LURAP1: variants seen among roughly 807,000 people sequenced by gnomAD.
LURAP1 encodes leucine rich adaptor protein 1.
A neutral mutation model predicts 19.0 loss-of-function variants in LURAP1; 14 were observed. The observed-to-expected ratio is 0.74, with a 90% CI of 0.49 to 1.15. The LOEUF (loss-of-function observed/expected upper bound fraction) is 1.15. LURAP1 is among the 50% of genes most tolerant of loss of function. The pLI is 0.00. For missense variants in LURAP1, 273 were observed against 309.1 expected, an observed-to-expected ratio of 0.88 and a Z score of 0.87; for synonymous variants, 129 against 131.8, an observed-to-expected ratio of 0.98 and a Z score of 0.14.
At chr1:46,211,621 C>A (rs1451651528) in intron 1 of LURAP1, among the ~76,000 whole-genome samples, 3 of 152,008 alleles carry the variant, frequency 2.0e-5, no homozygotes. Context: ...TCATGACAAA[C>A]CTTTAGATAG....
At chr1:46,209,577 C>A (rs1157603450) in intron 1 of LURAP1, among the ~76,000 whole-genome samples, 1 of 143,064 alleles carries the variant, frequency 7.0e-6, no homozygotes, top group Non-Finnish European at 1.5e-5. Context: ...TGGAGTCTCG[C>A]TCTGTTGCCC....
At position 46,219,788 on chromosome 1, in the gene LURAP1, G is replaced by A. The variant is rs1659176073; in HGVS notation, c.288G>A (p.Glu96=). The change falls in exon 2 of 2, where the codon GAG becomes GAA. Residue 96 remains glutamate (E), a synonymous_variant. Coordinates refer to ENST00000371980, the MANE Select transcript of LURAP1 (RefSeq NM_001013615.3). ...AGGCAGTGCGCTGGCTGTTGGAGGA[G>A]CGGGGGACGTTGACCAGTCATTGCA... The part of the protein sequence containing the change: ...GIEAVRWLLE[E]RGTLTSHCSS... 2 of 1,614,100 alleles carry A rather than the reference G, an allele frequency of 1.2e-6. No individual in the cohort carries two copies. The highest frequency in any genetic ancestry group is 1.1e-5 in the South Asian group (1 of 91,082).
intron 1 of LURAP1, among the ~76,000 whole-genome samples, chr1:46,207,570 G>T (rs548776514): frequency 6.7e-6 from 1 of 148,204 alleles, no homozygotes. Flanking sequence ...ATGGAGTCTC[G>T]CTCTGTCGCC....
chr1:46,217,788 C>T lies in LURAP1; in HGVS notation c.199-1911C>T, dbSNP rs150678860. Among the ~76,000 whole-genome samples, 387 of 152,102 alleles carry T rather than the reference C, an allele frequency of 2.5e-3. 1 individual carries two copies. Among genetic ancestry groups the T allele is most frequent in the Non-Finnish European group, 2.6e-3 (174 of 67,996 alleles). ...AAGAGAATCGCTTGAACCCTGGAGG[C>T]GGAGGTTGCAGTGAGCTAAGATGGC... On this transcript the variant is annotated intron_variant, in intron 1 of 1. Coordinates refer to ENST00000371980, the MANE Select transcript of LURAP1 (RefSeq NM_001013615.3).
intron 1 of LURAP1, among the ~76,000 whole-genome samples, chr1:46,204,619 G>A (rs955433222): frequency 2.6e-5 from 4 of 152,140 alleles, no homozygotes; most frequent in African/African-American, 4.8e-5. Flanking sequence ...CCAGGGCTCC[G>A]ACGCCTGAGC....
In LURAP1 at chr1:46,219,931, T is replaced by C. The variant is rs1215560110; in HGVS notation, c.431T>C (p.Ile144Thr). The change falls in exon 2 of 2, where the codon ATT becomes ACT. Residue 144 changes from isoleucine to threonine, a missense_variant. Coordinates refer to ENST00000371980, the MANE Select transcript of LURAP1 (RefSeq NM_001013615.3). ...STTDRLDSVS[I>T]GSFLDTVAPS... ...ACCGACCGGCTGGACAGTGTCTCTA[T>C]TGGCAGCTTCCTGGACACAGTGGCC... The C allele has an allele frequency of 6.2e-7, 1 of 1,614,254 alleles. No homozygotes were observed. Among genetic ancestry groups the C allele is most frequent in the Admixed American group, 1.7e-5 (1 of 60,030 alleles).
At position 46,206,589 on chromosome 1, in the gene LURAP1, GAA is replaced by G. The variant is rs1163232193; in HGVS notation, c.198+2968_198+2969del. ...CTCTATTTTCTTCAAGAGATGGTGT[GAA>G]AAGAGTGTTTCTTTTTCTGGCAAGA... On this transcript the variant is annotated intron_variant, in intron 1 of 1. Coordinates refer to ENST00000371980, the MANE Select transcript of LURAP1 (RefSeq NM_001013615.3). Among the ~76,000 whole-genome samples, 4 of 152,302 alleles carry G rather than the reference GAA, an allele frequency of 2.6e-5. No individual in the cohort carries two copies. In the East Asian group the frequency reaches 5.8e-4, roughly 22 times the overall value.
intron 1 of LURAP1, among the ~76,000 whole-genome samples, chr1:46,214,949 G>A (rs1163229104): frequency 6.7e-6 from 1 of 149,566 alleles, no homozygotes; most frequent in African/African-American, 2.5e-5. Context: ...AGATGTGACT[G>A]GGTGCTGTGG....
intron 1 of LURAP1, 94 bp from the exon 2 acceptor site, chr1:46,219,605 C>T (rs1456043621): frequency 7.4e-7 from 1 of 1,346,106 alleles, no homozygotes; most frequent in Admixed American, 2.3e-5. Context: ...TAAAGTGAAA[C>T]ATGGTTGGCT....
intron 1 of LURAP1, among the ~76,000 whole-genome samples, chr1:46,210,162 G>T (rs1658848970): frequency 6.6e-6 from 1 of 152,058 alleles, no homozygotes; most frequent in Admixed American, 6.6e-5. Context: ...ATAGTCATTT[G>T]TTCAATTGAA....
intron 1 of LURAP1, among the ~76,000 whole-genome samples, chr1:46,218,600 C>T (rs1195732599): frequency 2.6e-5 from 4 of 152,118 alleles, no homozygotes; most frequent in Non-Finnish European, 4.4e-5. Flanking sequence ...TGTTCGGATT[C>T]GGCACTCTCT....
At chr1:46,208,472 G>C (rs938289388) in intron 1 of LURAP1, among the ~76,000 whole-genome samples, 5 of 152,202 alleles carry the variant, frequency 3.3e-5, no homozygotes, top group African/African-American at 1.2e-4. Flanking sequence ...GGAAGGGCAA[G>C]GAAGACTTCC....
chr1:46,207,666 G>A (rs925420460), intron 1 of LURAP1, among the ~76,000 whole-genome samples: 2 of 151,674 alleles, frequency 1.3e-5, no homozygotes, highest in Non-Finnish European at 2.9e-5. Context: ...AGCCTCCCGA[G>A]TAGCTGGGAC....
chr1:46,205,755 T>C (rs1002976519), intron 1 of LURAP1, among the ~76,000 whole-genome samples: 1 of 152,248 alleles, frequency 6.6e-6, no homozygotes, highest in Non-Finnish European at 1.5e-5. Flanking sequence ...ATCCTATTTT[T>C]TCTCCTTCCT....
rs1176624427 is a variant in LURAP1 at position 46,220,267 on chromosome 1, A to G, written c.*47A>G. Reference sequence around the variant, plus strand: ...ATCCTGTGGCTCTTTTATCCATTAGATGTGGTCTCCCCCAAAATTGATTCT... The same window carrying G: ...ATCCTGTGGCTCTTTTATCCATTAGGTGTGGTCTCCCCCAAAATTGATTCT... On this transcript the variant is annotated 3_prime_UTR_variant, in exon 2 of 2. Transcript: ENST00000371980. The G allele has an allele frequency of 6.5e-7, 1 of 1,530,590 alleles. No homozygotes were observed. The allele number at this position is 1,530,590 out of a possible 1,614,324, so 94.8% of individuals were successfully genotyped here.
rs115448198 is a variant in LURAP1 at position 46,203,856 on chromosome 1, A to G, written c.198+232A>G. Among the ~76,000 whole-genome samples the G allele has an allele frequency of 4.1e-3, 620 of 152,026 alleles. 3 individuals are homozygous for G. The highest frequency in any genetic ancestry group is 0.037 in the Middle Eastern group (11 of 294). On this transcript the variant is annotated intron_variant, in intron 1 of 1. Coordinates refer to ENST00000371980, the MANE Select transcript of LURAP1 (RefSeq NM_001013615.3). ...GATGGTCCTGAGGACTTGGGTTGGG[A>G]GCAGTGGGTTTTGGAAGTTATTCCT... is the stretch of plus-strand genomic sequence containing the variant.
intron 1 of LURAP1, among the ~76,000 whole-genome samples, chr1:46,211,280 A>T (rs1386143635): frequency 6.6e-6 from 1 of 152,166 alleles, no homozygotes; most frequent in Non-Finnish European, 1.5e-5. Context: ...CTTATGACCC[A>T]CAATCAGATT....
intron 1 of LURAP1, among the ~76,000 whole-genome samples, chr1:46,207,307 C>G (rs1206140658): frequency 1.3e-5 from 2 of 152,066 alleles, no homozygotes; most frequent in African/African-American, 4.8e-5. Flanking sequence ...TTTCGAAGTC[C>G]TGACCTCAAG....
At chr1:46,205,431 G>C (rs1303204394) in intron 1 of LURAP1, among the ~76,000 whole-genome samples, 1 of 152,176 alleles carries the variant, frequency 6.6e-6, no homozygotes, top group Non-Finnish European at 1.5e-5. Context: ...TTTACTTTGA[G>C]ACCTGCTTTG....
Sources: gnomAD v4.1 joint callset for allele counts (sites outside exome capture counted in the v4.1 genomes callset) on GRCh38, gnomAD v4.1.1 for gene constraint, MANE v1.5 for transcripts, NCBI Gene and HGNC (gene_info 2026-07-23, HGNC 2026-07-21) for gene names.